The following EYS variants were observed in gnomAD, a reference collection of about 807,000 sequenced individuals.
EYS encodes the protein EGF-like photoreceptor maintenance factor.
EYS carries 250 observed loss-of-function variants against 282.1 expected under a neutral mutation model. That is an observed-to-expected ratio of 0.89 (90% CI 0.80 to 0.98). EYS has a LOEUF of 0.98. Ranked by LOEUF, EYS falls within the 50% of genes least tolerant of loss-of-function variation. The pLI, the probability that EYS is intolerant of heterozygous loss-of-function variation, is 0.00. For missense variants in EYS, 4,016 were observed against 3,709.0 expected, an observed-to-expected ratio of 1.08 and a Z score of -2.15; for synonymous variants, 1,355 against 1,282.9, an observed-to-expected ratio of 1.06 and a Z score of -1.20.
At chr6:65,026,202 G>C (rs1183811029) in intron 13 of EYS, among the ~76,000 whole-genome samples, 2 of 152,054 alleles carry the variant, frequency 1.3e-5, no homozygotes, top group Non-Finnish European at 2.9e-5. Flanking sequence ...TCTATCCACT[G>C]TTAGTTTCAT....
intron 13 of EYS, among the ~76,000 whole-genome samples, chr6:65,018,364 T>C (rs1357016124): frequency 6.6e-6 from 1 of 152,174 alleles, no homozygotes; most frequent in Admixed American, 6.5e-5. Context: ...TGGCATCCCG[T>C]AGTTGTAGAT....
chr6:64,587,548 T>C (rs527999286), intron 26 of EYS, among the ~76,000 whole-genome samples: 1 of 152,196 alleles, frequency 6.6e-6, no homozygotes, highest in Admixed American at 6.6e-5. Context: ...TATGTTTTAG[T>C]GACTTTATAC....
At chr6:64,200,276 G>T (rs1765423818) in intron 31 of EYS, among the ~76,000 whole-genome samples, 1 of 151,906 alleles carries the variant, frequency 6.6e-6, no homozygotes, top group African/African-American at 2.4e-5. Flanking sequence ...TGATACATTT[G>T]CCAAAAGCTA....
At chr6:63,961,250 C>T (rs940782989) in intron 35 of EYS, among the ~76,000 whole-genome samples, 4 of 152,172 alleles carry the variant, frequency 2.6e-5, no homozygotes, top group African/African-American at 4.8e-5. Flanking sequence ...TGCACGTATA[C>T]ATCTAGATGG....
At chr6:63,749,594 G>T (rs904206292) in intron 41 of EYS, among the ~76,000 whole-genome samples, 4 of 151,934 alleles carry the variant, frequency 2.6e-5, no homozygotes, top group Admixed American at 2.6e-4. Context: ...AAACCCTCTG[G>T]GCTCTGTATC....
At chr6:63,927,226 TTATC>T (rs1315636093) in intron 35 of EYS, among the ~76,000 whole-genome samples, 36 of 152,202 alleles carry the variant, frequency 2.4e-4, no homozygotes, top group African/African-American at 8.7e-4. Context: ...ATAAACGAGA[TTATC>T]TATGCATGTC....
chr6:65,083,802 C>CT (rs1774289757), intron 12 of EYS, among the ~76,000 whole-genome samples: 3 of 151,432 alleles, frequency 2.0e-5, no homozygotes, highest in Admixed American at 1.3e-4. Context: ...TCATAATATA[C>CT]TTTTTTATAT....
At chr6:65,677,603 A>C (rs1227909401) in intron 1 of EYS, among the ~76,000 whole-genome samples, 2 of 152,048 alleles carry the variant, frequency 1.3e-5, no homozygotes, top group African/African-American at 4.8e-5. Flanking sequence ...TGGAAGCCTT[A>C]ATATTATTAA....
chr6:65,212,229 T>C (rs1174025460), intron 12 of EYS, among the ~76,000 whole-genome samples: 1 of 151,742 alleles, frequency 6.6e-6, no homozygotes, highest in African/African-American at 2.4e-5. Context: ...TATACAAGAA[T>C]ACAAACAAAA....
In EYS at chr6:63,936,143, C is replaced by T. The variant is rs188983626; in HGVS notation, c.7055+48240G>A. Among the ~76,000 whole-genome samples the T allele has an allele frequency of 6.6e-5, 10 of 152,298 alleles. No individual in the cohort carries two copies. In the East Asian group the frequency reaches 1.5e-3, roughly 24 times the overall value. ...CTGCTCAGGAATCTGCTTAGCTCTCCAGGATGGGGGTCTCACATTATTCAC... is the reference window on the plus strand; with the variant it reads ...CTGCTCAGGAATCTGCTTAGCTCTCTAGGATGGGGGTCTCACATTATTCAC... On this transcript the variant is annotated intron_variant, in intron 35 of 42. Coordinates refer to ENST00000503581, the MANE Select transcript of EYS (RefSeq NM_001142800.2).
intron 5 of EYS, among the ~76,000 whole-genome samples, chr6:65,475,375 T>C (rs1365707380): frequency 6.6e-6 from 1 of 152,102 alleles, no homozygotes; most frequent in Non-Finnish European, 1.5e-5. Context: ...CATTGGTCTT[T>C]ATATATACCC....
At chr6:63,820,688 A>G (rs1003404925) in intron 36 of EYS, among the ~76,000 whole-genome samples, 1 of 152,170 alleles carries the variant, frequency 6.6e-6, no homozygotes, top group Non-Finnish European at 1.5e-5. Context: ...TTCATCTATT[A>G]ATTAAAACCT....
intron 33 of EYS, among the ~76,000 whole-genome samples, chr6:64,054,349 A>G (rs1354370014): frequency 6.6e-6 from 1 of 152,120 alleles, no homozygotes; most frequent in African/African-American, 2.4e-5. Flanking sequence ...AAAACCCAGA[A>G]TATTTAGGAA....
intron 5 of EYS, among the ~76,000 whole-genome samples, chr6:65,427,305 G>A (rs776061326): frequency 3.9e-5 from 6 of 151,976 alleles, no homozygotes. Context: ...TATAGATCAA[G>A]TTGAAAATTA....
chr6:65,514,366 A>G (rs1187329228), intron 2 of EYS, among the ~76,000 whole-genome samples: 3 of 152,238 alleles, frequency 2.0e-5, no homozygotes, highest in South Asian at 2.1e-4. Context: ...CACACTGCCC[A>G]AGGTAATTTA....
At chr6:64,901,157 G>C (rs897111276) in intron 18 of EYS, among the ~76,000 whole-genome samples, 1 of 151,664 alleles carries the variant, frequency 6.6e-6, no homozygotes, top group Non-Finnish European at 1.5e-5. Flanking sequence ...ACCAACCACT[G>C]CATGTTCTCT....
At chr6:64,651,296 G>A (rs2149878509) in intron 22 of EYS, among the ~76,000 whole-genome samples, 1 of 152,254 alleles carries the variant, frequency 6.6e-6, no homozygotes, top group Admixed American at 6.5e-5. Context: ...ATAGTCTACA[G>A]TTCTATATTA....
chr6:63,738,297 T>C (rs949443289), intron 41 of EYS, among the ~76,000 whole-genome samples: 4 of 152,154 alleles, frequency 2.6e-5, no homozygotes, highest in Admixed American at 6.5e-5. Context: ...CGTATGTTTA[T>C]TGTGACACTA....
At chr6:64,628,814 AAT>A (rs1480185702) in intron 22 of EYS, among the ~76,000 whole-genome samples, 31 of 152,210 alleles carry the variant, frequency 2.0e-4, no homozygotes, top group African/African-American at 5.8e-4. Context: ...AAAAATTTTT[AAT>A]ATAATTTGTA....
Sources: gnomAD v4.1 joint callset for allele counts (sites outside exome capture counted in the v4.1 genomes callset) on GRCh38, gnomAD v4.1.1 for gene constraint, MANE v1.5 for transcripts, NCBI Gene and HGNC (gene_info 2026-07-23, HGNC 2026-07-21) for gene names.